KCND2: variants seen among roughly 807,000 people sequenced by gnomAD.
The protein encoded by KCND2 is A-type voltage-gated potassium channel KCND2.
In KCND2, 16 loss-of-function variants were observed where a neutral mutation model predicts 54.4. The ratio of observed to expected loss-of-function variants is 0.29; its 90% CI spans 0.20 to 0.45. The LOEUF is 0.45. Among genes scored for constraint, KCND2 ranks in the 20% least tolerant of loss-of-function variants. The pLI, the probability that KCND2 is intolerant of heterozygous loss-of-function variation, is 1.00. For synonymous variants in KCND2, 317 were observed against 310.7 expected (o/e 1.02, Z -0.21); for missense variants, 486 against 824.2 (o/e 0.59, Z 5.02).
chr7:120,738,108 C>T (rs1452076404), intron 2 of KCND2, among the ~76,000 whole-genome samples: 1 of 151,978 alleles, frequency 6.6e-6, no homozygotes, highest in African/African-American at 2.4e-5. Flanking sequence ...CCATTGTGTT[C>T]CACTGCATTC....
chr7:120,489,876 A>G (rs1294806740), intron 1 of KCND2, among the ~76,000 whole-genome samples: 1 of 152,104 alleles, frequency 6.6e-6, no homozygotes, highest in Non-Finnish European at 1.5e-5. Flanking sequence ...TTCTAGCATA[A>G]ATAGAGAAAA....
At chr7:120,411,573 A>G (rs1158685316) in intron 1 of KCND2, among the ~76,000 whole-genome samples, 1 of 151,962 alleles carries the variant, frequency 6.6e-6, no homozygotes, top group Non-Finnish European at 1.5e-5. Flanking sequence ...GACTATGTGT[A>G]TATGTGGGGG....
intron 1 of KCND2, among the ~76,000 whole-genome samples, chr7:120,437,003 A>G (rs994888368): frequency 1.3e-5 from 2 of 152,054 alleles, no homozygotes; most frequent in African/African-American, 4.8e-5. Context: ...TAGACATTTC[A>G]TTTTTGCTGC....
intron 1 of KCND2, among the ~76,000 whole-genome samples, chr7:120,645,347 G>A (rs1277455275): frequency 6.6e-6 from 1 of 151,826 alleles, no homozygotes; most frequent in Non-Finnish European, 1.5e-5. Flanking sequence ...CATGACTAGT[G>A]GCATGTTAAT....
chr7:120,563,461 T>C (rs1792259923), intron 1 of KCND2, among the ~76,000 whole-genome samples: 1 of 152,202 alleles, frequency 6.6e-6, no homozygotes, highest in South Asian at 2.1e-4. Flanking sequence ...ATTTGAGTTA[T>C]CATTTTCTTT....
intron 1 of KCND2, among the ~76,000 whole-genome samples, chr7:120,471,562 G>T (rs1039925970): frequency 1.3e-5 from 2 of 151,994 alleles, no homozygotes; most frequent in African/African-American, 4.8e-5. Flanking sequence ...ATAATGAGTG[G>T]ACAGAAATTT....
chr7:120,643,011 A>G (rs900583649), intron 1 of KCND2, among the ~76,000 whole-genome samples: 1 of 152,220 alleles, frequency 6.6e-6, no homozygotes, highest in African/African-American at 2.4e-5. Flanking sequence ...GTATTATTCC[A>G]TTGGATTTGT....
At chr7:120,313,940 G>C (rs1436605910) in intron 1 of KCND2, among the ~76,000 whole-genome samples, 1 of 151,182 alleles carries the variant, frequency 6.6e-6, no homozygotes, top group Non-Finnish European at 1.5e-5. Context: ...TATTTCTTCA[G>C]TATAAATACA....
rs1406085205 is a variant in KCND2 at position 120,669,390 on chromosome 7, T to C, written c.1116-63513T>C. ...ATTTTTTTAACTGGCCAGACTACTA[T>C]AAACAATGGAATTTAGATAAATTGA... is the stretch of plus-strand genomic sequence containing the variant. On this transcript the variant is annotated intron_variant, in intron 1 of 5. Coordinates refer to ENST00000331113, the MANE Select transcript of KCND2 (RefSeq NM_012281.3). Among the ~76,000 whole-genome samples the C allele has an allele frequency of 3.9e-5, 6 of 152,080 alleles. No homozygotes were observed. In the East Asian group the frequency reaches 9.6e-4, roughly 24 times the overall value.
intron 1 of KCND2, among the ~76,000 whole-genome samples, chr7:120,711,318 A>G (rs983293501): frequency 2.6e-5 from 4 of 152,132 alleles, no homozygotes; most frequent in South Asian, 2.1e-4. Context: ...TTTGCATTCT[A>G]TGTAATATTT....
chr7:120,428,745 G>A (rs141345905), intron 1 of KCND2, among the ~76,000 whole-genome samples: 33 of 152,208 alleles, frequency 2.2e-4, no homozygotes, highest in African/African-American at 6.5e-4. Context: ...TAAAGTAATC[G>A]AGTTCAGAGA....
rs200321637 is a variant in KCND2 at position 120,569,837 on chromosome 7, G to A, written c.1116-163066G>A. On this transcript the variant is annotated intron_variant, in intron 1 of 5. Transcript: ENST00000331113. ...GATAGAAGATAGTTAAGGTTGATTT[G>A]TAATTGGCTGGCAGCTTGCACAAGA... 2.6e-5 allele frequency among the ~76,000 whole-genome samples: 4 copies of A among 152,260 alleles called. No homozygotes were observed. The East Asian group carries it at 7.7e-4, about 29-fold the overall frequency.
chr7:120,512,302 A>C (rs1026423771), intron 1 of KCND2, among the ~76,000 whole-genome samples: 11 of 152,060 alleles, frequency 7.2e-5, no homozygotes, highest in Admixed American at 3.3e-4. Flanking sequence ...TGGTAAGTAT[A>C]TGTACAGTTG....
At chr7:120,504,777 G>C (rs757176121) in intron 1 of KCND2, among the ~76,000 whole-genome samples, 2 of 151,714 alleles carry the variant, frequency 1.3e-5, no homozygotes, top group African/African-American at 2.4e-5. Context: ...AATTTCCAAA[G>C]ATCTTTACAA....
At chr7:120,286,701 A>G (rs527719679) in intron 1 of KCND2, among the ~76,000 whole-genome samples, 2 of 152,108 alleles carry the variant, frequency 1.3e-5, no homozygotes, top group East Asian at 3.9e-4. Flanking sequence ...TACAAAACAT[A>G]TTTTTAGGTT....
intron 1 of KCND2, among the ~76,000 whole-genome samples, chr7:120,472,776 T>G (rs1802478042): frequency 6.6e-6 from 1 of 152,144 alleles, no homozygotes; most frequent in Non-Finnish European, 1.5e-5. Flanking sequence ...GATCGAGGAT[T>G]GGCAATAATT....
intron 1 of KCND2, among the ~76,000 whole-genome samples, chr7:120,312,303 T>C (rs1799746642): frequency 1.3e-5 from 2 of 152,124 alleles, no homozygotes; most frequent in Admixed American, 1.3e-4. Flanking sequence ...GGCATTTAGG[T>C]TGATTTTATG....
At chr7:120,310,642 TCGTGGTGGCTCACGGTTGTGGTGGCTCA>T (rs1374047418) in intron 1 of KCND2, among the ~76,000 whole-genome samples, 12 of 152,094 alleles carry the variant, frequency 7.9e-5, no homozygotes, top group African/African-American at 2.9e-4. Context: ...TATAGACTGG[TCGTGGTGGCTCACGGTTGTGGTGGCTCA>T]CGTGGTGGCT....
At chr7:120,661,983 A>G (rs1366851473) in intron 1 of KCND2, among the ~76,000 whole-genome samples, 1 of 152,174 alleles carries the variant, frequency 6.6e-6, no homozygotes, top group Non-Finnish European at 1.5e-5. Context: ...ACTGAAGGGT[A>G]TCCTCCCTGT....
Sources: allele counts gnomAD v4.1 joint callset (sites outside exome capture counted in the v4.1 genomes callset), GRCh38; gene constraint gnomAD v4.1.1; transcripts MANE v1.5; gene names NCBI Gene and HGNC (gene_info 2026-07-23, HGNC 2026-07-21).